KCNH5: variants seen among roughly 807,000 people sequenced by gnomAD.
KCNH5 encodes the protein voltage-gated delayed rectifier potassium channel KCNH5.
KCNH5 carries 46 observed loss-of-function variants against 96.1 expected under a neutral mutation model. That is an observed-to-expected ratio of 0.48 (90% CI 0.38 to 0.61). KCNH5 has a LOEUF of 0.61. Ranked by LOEUF, KCNH5 falls within the 20% of genes least tolerant of loss-of-function variation. The pLI is 0.00. For synonymous variants in KCNH5, 439 were observed against 449.8 expected (o/e 0.98, Z 0.30); for missense variants, 907 against 1,225.8 (o/e 0.74, Z 3.88).
intron 10 of KCNH5, among the ~76,000 whole-genome samples, chr14:62,723,608 C>G (rs1279990108): frequency 6.6e-6 from 1 of 152,130 alleles, no homozygotes; most frequent in Admixed American, 6.5e-5. Context: ...CTTCACATCC[C>G]TCATGGGGTA....
At chr14:63,001,211 G>T in intron 4 of KCNH5, 120 bp downstream of exon 4, 1 of 786,428 alleles carries the variant, frequency 1.3e-6, no homozygotes, top group Non-Finnish European at 1.9e-6. Flanking sequence ...AAGCAATGAA[G>T]CAAAAGAAAG....
At chr14:62,851,383 T>G (rs1031548088) in intron 7 of KCNH5, among the ~76,000 whole-genome samples, 24 of 152,066 alleles carry the variant, frequency 1.6e-4, no homozygotes, top group Non-Finnish European at 2.8e-4. Flanking sequence ...TTATCTTTAA[T>G]GTATCAGTTT....
intron 9 of KCNH5, among the ~76,000 whole-genome samples, chr14:62,786,153 T>A (rs1886317261): frequency 6.6e-6 from 1 of 152,168 alleles, no homozygotes; most frequent in African/African-American, 2.4e-5. Context: ...ATCACGCCAC[T>A]GCTCTCCAGC....
intron 1 of KCNH5, among the ~76,000 whole-genome samples, chr14:63,042,187 C>T (rs1413970512): frequency 2.0e-5 from 3 of 151,672 alleles, no homozygotes; most frequent in Non-Finnish European, 4.4e-5. Flanking sequence ...TGTTTTGTTT[C>T]CTACATCTCT....
At chr14:62,945,355 G>A (rs1395020883) in intron 7 of KCNH5, among the ~76,000 whole-genome samples, 2 of 152,250 alleles carry the variant, frequency 1.3e-5, no homozygotes, top group African/African-American at 4.8e-5. Context: ...AGGAATCGGG[G>A]TCAAAGCTCT....
At chr14:62,848,559 C>T (rs1887742807) in intron 8 of KCNH5, among the ~76,000 whole-genome samples, 1 of 152,148 alleles carries the variant, frequency 6.6e-6, no homozygotes, top group Admixed American at 6.6e-5. Context: ...CCCTCAACTC[C>T]TAAGTTCCTC....
intron 2 of KCNH5, among the ~76,000 whole-genome samples, chr14:63,014,111 T>C (rs1891280030): frequency 6.6e-6 from 1 of 152,168 alleles, no homozygotes; most frequent in Non-Finnish European, 1.5e-5. Flanking sequence ...AATAATTGTT[T>C]ACATTAAGAA....
intron 7 of KCNH5, among the ~76,000 whole-genome samples, chr14:62,898,968 T>C (rs1333236432): frequency 6.6e-6 from 1 of 152,136 alleles, no homozygotes; most frequent in Non-Finnish European, 1.5e-5. Flanking sequence ...GCCTCAAATA[T>C]ATAAAATATA....
At chr14:62,907,629 A>ATT (rs1566703193) in intron 7 of KCNH5, among the ~76,000 whole-genome samples, 1 of 152,206 alleles carries the variant, frequency 6.6e-6, no homozygotes, top group East Asian at 1.9e-4. Context: ...TTGAGGGTCA[A>ATT]TTGCCTAGAC....
At chr14:63,004,317 A>G (rs1243200065) in intron 3 of KCNH5, among the ~76,000 whole-genome samples, 1 of 152,208 alleles carries the variant, frequency 6.6e-6, no homozygotes, top group African/African-American at 2.4e-5. Context: ...TTCACTAAAG[A>G]GGAAAACAAA....
At chr14:62,911,708 AG>A (rs1398528430) in intron 7 of KCNH5, among the ~76,000 whole-genome samples, 6 of 151,928 alleles carry the variant, frequency 3.9e-5, no homozygotes, top group Non-Finnish European at 8.8e-5. Context: ...TACTGGAGGA[AG>A]GCTTTTAACT....
At chr14:62,947,886 T>A (rs1889921501) in intron 7 of KCNH5, among the ~76,000 whole-genome samples, 1 of 152,126 alleles carries the variant, frequency 6.6e-6, no homozygotes, top group South Asian at 2.1e-4. Flanking sequence ...TGCAGGTTAG[T>A]TACATACGTA....
intron 7 of KCNH5, among the ~76,000 whole-genome samples, chr14:62,888,586 CT>C (rs1888644126): frequency 6.6e-6 from 1 of 152,094 alleles, no homozygotes; most frequent in South Asian, 2.1e-4. Context: ...ACATATATTC[CT>C]ATAAGACTCT....
chr14:62,889,874 T>G (rs1182200206), intron 7 of KCNH5, among the ~76,000 whole-genome samples: 1 of 152,110 alleles, frequency 6.6e-6, no homozygotes, highest in Admixed American at 6.5e-5. Context: ...ATTAGAAAAC[T>G]AAGTAGAAAA....
Position 62,708,126 on chromosome 14 carries a change from T to C in KCNH5, c.2349A>G (p.Glu783=). The change falls in exon 11 of 11, where the codon GAA becomes GAG. Residue 783 remains glutamate, a synonymous_variant. Coordinates refer to ENST00000322893, the MANE Select transcript of KCNH5 (RefSeq NM_139318.5). Reference sequence around the variant, plus strand: ...GGTCAGCACCGCCGTTGGGCTTGAGTTCCATGGCATCACGGTTGTTCTGCT... The same window carrying C: ...GGTCAGCACCGCCGTTGGGCTTGAGCTCCATGGCATCACGGTTGTTCTGCT... ...SLKQNNRDAM[E]LKPNGGADQK... is the part of the protein sequence containing the mutation. 2 of 1,614,242 alleles carry C rather than the reference T, an allele frequency of 1.2e-6. No homozygotes were observed. Among genetic ancestry groups the C allele is most frequent in the Non-Finnish European group, 1.7e-6 (2 of 1,180,050 alleles).
intron 1 of KCNH5, among the ~76,000 whole-genome samples, chr14:63,042,328 G>T (rs985932681): frequency 9.2e-5 from 14 of 152,032 alleles, no homozygotes; most frequent in Admixed American, 8.5e-4. Flanking sequence ...TCAGTTTTCT[G>T]GGTGGATGCC....
chr14:62,747,404 T>C lies in KCNH5; in HGVS notation c.2019+32324A>G, dbSNP rs537576541. On this transcript the variant is annotated intron_variant, in intron 10 of 10. Transcript: ENST00000322893. ...TTACTGGGTTAATACTAAGCACAGA[T>C]TGGCAAAGCTCTTTGCCATTTTTCC... Among the ~76,000 whole-genome samples, 14 of 152,268 alleles carry C rather than the reference T, an allele frequency of 9.2e-5. No homozygotes were observed. The South Asian group carries it at 2.5e-3, about 27-fold the overall frequency.
intron 7 of KCNH5, among the ~76,000 whole-genome samples, chr14:62,898,472 A>G (rs1475012957): frequency 6.6e-6 from 1 of 152,188 alleles, no homozygotes; most frequent in East Asian, 1.9e-4. Context: ...CTAAAGGAAA[A>G]CAGAAAGCAC....
chr14:62,990,435 C>A (rs1046762780), intron 4 of KCNH5, among the ~76,000 whole-genome samples: 2 of 151,980 alleles, frequency 1.3e-5, no homozygotes, highest in South Asian at 4.1e-4. Context: ...AGGAATATTT[C>A]ATCTCTTTTC....
Sources: gnomAD v4.1 joint callset for allele counts (sites outside exome capture counted in the v4.1 genomes callset) on GRCh38, gnomAD v4.1.1 for gene constraint, MANE v1.5 for transcripts, NCBI Gene and HGNC (gene_info 2026-07-23, HGNC 2026-07-21) for gene names.